FBXL7: variants seen among roughly 807,000 people sequenced by gnomAD.
The protein encoded by FBXL7 is F-box/LRR-repeat protein 7.
Under a neutral mutation model 38.3 loss-of-function variants are expected in FBXL7, and 12 were observed. That is an observed-to-expected ratio of 0.31 (90% CI 0.20 to 0.51). The LOEUF is 0.51. Ranked by LOEUF, FBXL7 falls within the 20% of genes least tolerant of loss-of-function variation. The pLI is 0.98. For synonymous variants in FBXL7, 297 were observed against 300.9 expected (o/e 0.99, Z 0.13); for missense variants, 567 against 676.4 (o/e 0.84, Z 1.79).
At chr5:15,882,757 A>G (rs1740511093) in intron 2 of FBXL7, among the ~76,000 whole-genome samples, 1 of 152,180 alleles carries the variant, frequency 6.6e-6, no homozygotes, top group South Asian at 2.1e-4. Flanking sequence ...TTCTCCTTGA[A>G]CAGAACCCTA....
chr5:15,526,371 AG>A (rs1441891632), intron 1 of FBXL7, among the ~76,000 whole-genome samples: 2 of 152,264 alleles, frequency 1.3e-5, no homozygotes, highest in East Asian at 3.9e-4. Context: ...ATTCTGTGTC[AG>A]GGTAGCTCAT....
At chr5:15,619,574 G>T (rs554310313) in intron 2 of FBXL7, among the ~76,000 whole-genome samples, 9 of 152,250 alleles carry the variant, frequency 5.9e-5, no homozygotes, top group Non-Finnish European at 1.2e-4. Flanking sequence ...GTTGATTATG[G>T]TTATTTTCTT....
intron 2 of FBXL7, among the ~76,000 whole-genome samples, chr5:15,799,325 G>T (rs562118435): frequency 6.9e-6 from 1 of 145,052 alleles, no homozygotes; most frequent in African/African-American, 2.5e-5. Flanking sequence ...AGCTGTAAAA[G>T]ATCTTTTAGG....
chr5:15,665,082 C>T (rs1742226027), intron 2 of FBXL7, among the ~76,000 whole-genome samples: 1 of 152,168 alleles, frequency 6.6e-6, no homozygotes, highest in African/African-American at 2.4e-5. Flanking sequence ...ACTTTTCTCC[C>T]CTTAGTGCCT....
chr5:15,867,833 C>T (rs1462116725), intron 2 of FBXL7, among the ~76,000 whole-genome samples: 1 of 152,112 alleles, frequency 6.6e-6, no homozygotes, highest in African/African-American at 2.4e-5. Flanking sequence ...GGGCTGGGTG[C>T]AGTGGCTCAT....
At chr5:15,902,676 A>G (rs1028134018) in intron 2 of FBXL7, among the ~76,000 whole-genome samples, 5 of 152,220 alleles carry the variant, frequency 3.3e-5, no homozygotes, top group Non-Finnish European at 5.9e-5. Flanking sequence ...AGCCCCTTAA[A>G]TAGATTTCAA....
rs548820854 is a variant in FBXL7, at chr5:15,792,009, A to G, written c.128-135881A>G. Among the ~76,000 whole-genome samples, 7 of 152,260 alleles carry G rather than the reference A, an allele frequency of 4.6e-5. No homozygotes were observed. In the East Asian group the frequency reaches 1.4e-3, roughly 29 times the overall value. ...TAATACCCACATTGCAAGCACAACA[A>G]GTATTTTTGTTTAATCCTTAAGGAG... On this transcript the variant is annotated intron_variant, in intron 2 of 3. Coordinates refer to ENST00000504595, the MANE Select transcript of FBXL7 (RefSeq NM_012304.5).
chr5:15,739,503 T>C (rs962505264), intron 2 of FBXL7, among the ~76,000 whole-genome samples: 1 of 136,498 alleles, frequency 7.3e-6, no homozygotes, highest in African/African-American at 2.6e-5. Flanking sequence ...AACTTTTTTT[T>C]ATCACAACAA....
At chr5:15,758,167 G>A (rs1195445073) in intron 2 of FBXL7, among the ~76,000 whole-genome samples, 2 of 151,768 alleles carry the variant, frequency 1.3e-5, no homozygotes, top group East Asian at 1.9e-4. Context: ...TTTTAAAATC[G>A]CCTCATATCT....
At chr5:15,571,579 A>G (rs759599400) in intron 1 of FBXL7, among the ~76,000 whole-genome samples, 6 of 152,136 alleles carry the variant, frequency 3.9e-5, no homozygotes, top group Non-Finnish European at 7.4e-5. Flanking sequence ...AGAAAATATC[A>G]CTGTTTAATG....
chr5:15,612,054 A>T (rs1376581793), intron 1 of FBXL7, among the ~76,000 whole-genome samples: 1 of 152,202 alleles, frequency 6.6e-6, no homozygotes, highest in Non-Finnish European at 1.5e-5. Flanking sequence ...GCATTTAAAA[A>T]TGTTTTACTT....
At chr5:15,627,861 T>C (rs1740870012) in intron 2 of FBXL7, among the ~76,000 whole-genome samples, 1 of 152,194 alleles carries the variant, frequency 6.6e-6, no homozygotes, top group Non-Finnish European at 1.5e-5. Flanking sequence ...AAATAACTTC[T>C]CATGGATAAA....
intron 1 of FBXL7, among the ~76,000 whole-genome samples, chr5:15,577,564 C>G (rs1490060895): frequency 6.6e-6 from 1 of 150,940 alleles, no homozygotes; most frequent in Admixed American, 6.6e-5. Flanking sequence ...GTTCTGATTC[C>G]TATAATGAAT....
intron 1 of FBXL7, among the ~76,000 whole-genome samples, chr5:15,539,537 G>A (rs891563939): frequency 2.6e-5 from 4 of 152,080 alleles, no homozygotes; most frequent in African/African-American, 9.7e-5. Flanking sequence ...TTCCGTAGAA[G>A]CTTCTATTGA....
At chr5:15,754,728 C>T (rs908601639) in intron 2 of FBXL7, among the ~76,000 whole-genome samples, 4 of 152,152 alleles carry the variant, frequency 2.6e-5, no homozygotes, top group Non-Finnish European at 5.9e-5. Flanking sequence ...AGTAACTATA[C>T]AAGCACAAGC....
intron 2 of FBXL7, among the ~76,000 whole-genome samples, chr5:15,860,397 T>C (rs1424959571): frequency 6.6e-6 from 1 of 152,214 alleles, no homozygotes; most frequent in Non-Finnish European, 1.5e-5. Flanking sequence ...CTGCTTGATT[T>C]ATTTTATTCT....
At chr5:15,839,938 A>T (rs1405048757) in intron 2 of FBXL7, among the ~76,000 whole-genome samples, 1 of 152,208 alleles carries the variant, frequency 6.6e-6, no homozygotes, top group Non-Finnish European at 1.5e-5. Flanking sequence ...AAATGGTTAC[A>T]TTGATTACAT....
chr5:15,746,312 G>A lies in FBXL7; in HGVS notation c.127+130240G>A, dbSNP rs533517997. Among the ~76,000 whole-genome samples, 4 of 152,274 alleles carry A rather than the reference G, an allele frequency of 2.6e-5. No homozygotes were observed. In the South Asian group the frequency reaches 8.3e-4, roughly 32 times the overall value. On this transcript the variant is annotated intron_variant, in intron 2 of 3. Coordinates refer to ENST00000504595, the MANE Select transcript of FBXL7 (RefSeq NM_012304.5). ...GTCGGCAGTTGGATATTTGAGCCTG[G>A]AACACAAAGGGGATGTTGAAGCTGG...
Position 15,936,996 on chromosome 5 carries a change from A to G in FBXL7, c.1286A>G (p.Asn429Ser), listed in dbSNP as rs1742213292. 6.2e-7 allele frequency: 1 copy of G among 1,613,884 alleles called. No homozygotes were observed. The highest frequency in any genetic ancestry group is 1.1e-5 in the South Asian group (1 of 91,092). The part of the protein sequence containing the change: ...GLECLALNCF[N>S]LKRLSLKSCE... ...GAGTGCCTGGCCCTGAACTGCTTCA[A>G]CCTCAAGCGGCTCAGCCTCAAGTCC... The change falls in exon 4 of 4, where the codon AAC becomes AGC. Residue 429 changes from asparagine to serine, a missense_variant. Asn to Ser is a conservative substitution (Grantham distance 46). Transcript: ENST00000504595. This position sits in a 1 kb window ranked among gnomAD's most constrained non-coding sequence, Gnocchi z 6.0.
Sources: gnomAD v4.1 joint callset for allele counts (sites outside exome capture counted in the v4.1 genomes callset) on GRCh38, gnomAD v4.1.1 for gene constraint, Gnocchi (gnomAD v3.1) non-coding constraint, MANE v1.5 for transcripts, NCBI Gene and HGNC (gene_info 2026-07-23, HGNC 2026-07-21) for gene names.